Variants in TMEM120B observed in about 807,000 individuals in gnomAD.
TMEM120B encodes transmembrane protein 120B.
In TMEM120B, 31 loss-of-function variants were observed where a neutral mutation model predicts 55.5. The ratio of observed to expected loss-of-function variants is 0.56; its 90% CI spans 0.42 to 0.75. TMEM120B has a LOEUF of 0.75. Ranked by LOEUF, TMEM120B falls within the 30% of genes least tolerant of loss-of-function variation. The pLI, the probability that TMEM120B is intolerant of heterozygous loss-of-function variation, is 0.00. For synonymous variants in TMEM120B, 203 were observed against 176.3 expected (o/e 1.15, Z -1.20); for missense variants, 399 against 425.5 (o/e 0.94, Z 0.55).
chr12:121,776,822 G>A lies in TMEM120B; in HGVS notation c.*1100G>A, dbSNP rs967979287. On this transcript the variant is annotated 3_prime_UTR_variant, in exon 12 of 12. Coordinates refer to ENST00000449592, the MANE Select transcript of TMEM120B (RefSeq NM_001080825.2). ...ATTACTTTTTTTTTTTTTGAGACAG[G>A]GTCTGTTGCCTAGGCGGGAGTGCAG... is the stretch of plus-strand genomic sequence containing the variant. The A allele has an allele frequency of 6.6e-5, 10 of 151,912 alleles. No homozygotes were observed. 9.4% of individuals were successfully genotyped at this position (151,912 alleles called of 1,614,324 possible).
At chr12:121,734,894 CAA>C (rs76092962) in intron 1 of TMEM120B, among the ~76,000 whole-genome samples, 5,736 of 149,446 alleles carry the variant, frequency 0.038, 153 homozygotes, top group Non-Finnish European at 0.055. Flanking sequence ...GCCTGGGCGA[CAA>C]GAGCAAAACT....
chr12:121,721,265 A>G (rs892600475), intron 1 of TMEM120B, among the ~76,000 whole-genome samples: 1 of 151,350 alleles, frequency 6.6e-6, no homozygotes, highest in Admixed American at 6.6e-5. Flanking sequence ...TGCAGCTTCA[A>G]CTTCCTGGGT....
At chr12:121,735,444 G>A (rs1895089811) in intron 1 of TMEM120B, among the ~76,000 whole-genome samples, 2 of 151,598 alleles carry the variant, frequency 1.3e-5, no homozygotes, top group Admixed American at 6.6e-5. Flanking sequence ...CTGTTGCCAG[G>A]CTGGAGTGCA....
intron 1 of TMEM120B, among the ~76,000 whole-genome samples, chr12:121,743,300 C>T (rs1240699383): frequency 6.6e-6 from 1 of 151,730 alleles, no homozygotes. Context: ...CCTGTAATCC[C>T]AGCACTTTGG....
intron 1 of TMEM120B, among the ~76,000 whole-genome samples, chr12:121,738,857 G>C (rs963831400): frequency 6.6e-6 from 1 of 152,184 alleles, no homozygotes; most frequent in African/African-American, 2.4e-5. Flanking sequence ...CCCCACTGGG[G>C]GACATTCTTC....
intron 1 of TMEM120B, among the ~76,000 whole-genome samples, chr12:121,717,922 C>T (rs906290587): frequency 6.6e-6 from 1 of 152,168 alleles, no homozygotes; most frequent in African/African-American, 2.4e-5. Flanking sequence ...TCCCAAAGTG[C>T]TGGGATTACA....
chr12:121,714,365 T>TC, intron 1 of TMEM120B, among the ~76,000 whole-genome samples: 1 of 151,656 alleles, frequency 6.6e-6, no homozygotes, highest in East Asian at 1.9e-4. Flanking sequence ...CGAGCCATTC[T>TC]CTGCCTCAGC....
At chr12:121,762,145 A>G (rs1436075601) in intron 6 of TMEM120B, among the ~76,000 whole-genome samples, 1 of 151,988 alleles carries the variant, frequency 6.6e-6, no homozygotes, top group African/African-American at 2.4e-5. Context: ...ACAAAAAATT[A>G]GCCGGGTGTG....
At chr12:121,749,012 T>G (rs1183814017) in intron 3 of TMEM120B, among the ~76,000 whole-genome samples, 1 of 152,184 alleles carries the variant, frequency 6.6e-6, no homozygotes, top group Non-Finnish European at 1.5e-5. Flanking sequence ...GAGAGCTGCT[T>G]ACAGCCTCAT....
intron 1 of TMEM120B, among the ~76,000 whole-genome samples, chr12:121,736,200 T>A (rs1482961091): frequency 6.6e-6 from 1 of 150,954 alleles, no homozygotes; most frequent in Admixed American, 6.6e-5. Context: ...TAAGACGGCG[T>A]GTCTCGCTCT....
chr12:121,733,981 T>A (rs1043963678), intron 1 of TMEM120B, among the ~76,000 whole-genome samples: 2 of 152,228 alleles, frequency 1.3e-5, no homozygotes, highest in Non-Finnish European at 2.9e-5. Flanking sequence ...TACGCTGCTG[T>A]CACAAAGAGA....
At chr12:121,748,268 A>C in intron 2 of TMEM120B, 58 bp from the exon 3 acceptor site, 1 of 1,389,102 alleles carries the variant, frequency 7.2e-7, no homozygotes, top group Non-Finnish European at 1.0e-6. Flanking sequence ...CGGGGAGTCC[A>C]TAGCCCTCCT....
intron 1 of TMEM120B, among the ~76,000 whole-genome samples, chr12:121,726,135 G>A (rs749057851): frequency 8.3e-4 from 126 of 152,082 alleles, no homozygotes; most frequent in Non-Finnish European, 1.4e-3. Context: ...ACTGCGAAGA[G>A]ACACCGGGGA....
In TMEM120B at chr12:121,781,326, C is replaced by A; in HGVS notation, c.*5604C>A. ...CCTCATCTATACAATGGGCAGCAAG[C>A]CAGGAGTGCTGGCACAGGCCTGTGG... On this transcript the variant is annotated 3_prime_UTR_variant, in exon 12 of 12. Coordinates refer to ENST00000449592, the MANE Select transcript of TMEM120B (RefSeq NM_001080825.2). 1 of 735,192 alleles carries A rather than the reference C, an allele frequency of 1.4e-6. No individual in the cohort carries two copies. Among genetic ancestry groups the A allele is most frequent in the Non-Finnish European group, 2.2e-6 (1 of 448,522 alleles). 45.5% of individuals were successfully genotyped at this position (735,192 alleles called of 1,614,324 possible).
rs1894623974 is a variant in TMEM120B at position 121,712,812 on chromosome 12, G to A, written c.-84G>A. 9.3e-7 allele frequency: 1 copy of A among 1,073,796 alleles called. No homozygotes were observed. Among genetic ancestry groups the A allele is most frequent in the Non-Finnish European group, 1.2e-6 (1 of 829,682 alleles). The allele number at this position is 1,073,796 out of a possible 1,614,324, so 66.5% of individuals were successfully genotyped here. A position where few individuals can be genotyped will look rare whatever the true frequency, so the allele number is the denominator to read the frequency against. On this transcript the variant is annotated 5_prime_UTR_variant, in exon 1 of 12. Transcript: ENST00000449592. ...TGGTGCCTCCGAGGGCGGTCGGCGA[G>A]CGCGCGGGCGTGGGGCGCTGGGGGG...
chr12:121,771,432 G>A (rs1874049472), intron 7 of TMEM120B, 56 bp from the exon 8 acceptor site: 2 of 1,461,142 alleles, frequency 1.4e-6, no homozygotes, highest in South Asian at 1.1e-5. Flanking sequence ...GGGGCGGGGA[G>A]GAATGTCTCA....
chr12:121,735,925 C>T (rs1895101290), intron 1 of TMEM120B, among the ~76,000 whole-genome samples: 2 of 151,920 alleles, frequency 1.3e-5, no homozygotes, highest in South Asian at 4.1e-4. Context: ...CCCCTGACCT[C>T]GTGATCCACC....
In TMEM120B at chr12:121,776,391, GGGGTTCCCTGACCCCC is replaced by G. The variant is rs1363605185; in HGVS notation, c.*670_*685del. 1 of 153,504 alleles carries G rather than the reference GGGGTTCCCTGACCCCC, an allele frequency of 6.5e-6. No individual in the cohort carries two copies. The highest frequency in any genetic ancestry group is 1.9e-4 in the East Asian group (1 of 5,236). The allele number at this position is 153,504 out of a possible 1,614,324, so 9.5% of individuals were successfully genotyped here. A position where few individuals can be genotyped will look rare whatever the true frequency, so the allele number is the denominator to read the frequency against. The stretch of plus-strand genomic sequence containing the variant: ...ACAAGGACGTTCCCGTCTGTGCTTC[GGGGTTCCCTGACCCCC>G]CCATCCTGCAGCCCACCTTCCTGCA... On this transcript the variant is annotated 3_prime_UTR_variant, in exon 12 of 12. Coordinates refer to ENST00000449592, the MANE Select transcript of TMEM120B (RefSeq NM_001080825.2).
Position 121,773,473 on chromosome 12 carries a change from G to A in TMEM120B, c.732G>A (p.Leu244=). The change falls in exon 9 of 12, where the codon CTG becomes CTA. Residue 244 remains leucine (L), a synonymous_variant. Coordinates refer to ENST00000449592, the MANE Select transcript of TMEM120B (RefSeq NM_001080825.2). The part of the protein sequence containing the change: ...YYYQRGCLYR[L]RALGERNHLD... The stretch of plus-strand genomic sequence containing the variant: ...ACCAGAGGGGCTGCCTCTACCGGCT[G>A]CGGGCCCTGGGGGAGAGGAACCACC... The A allele has an allele frequency of 1.2e-6, 2 of 1,608,384 alleles. No homozygotes were observed. The highest frequency in any genetic ancestry group is 1.7e-6 in the Non-Finnish European group (2 of 1,177,104).
Sources: gnomAD v4.1 joint callset for allele counts (sites outside exome capture counted in the v4.1 genomes callset) on GRCh38, gnomAD v4.1.1 for gene constraint, MANE v1.5 for transcripts, NCBI Gene and HGNC (gene_info 2026-07-23, HGNC 2026-07-21) for gene names.